SLC8A1: variants seen among roughly 807,000 people sequenced by gnomAD.
SLC8A1 encodes the protein sodium/calcium exchanger 1.
In SLC8A1, 18 loss-of-function variants were observed where a neutral mutation model predicts 68.3. The ratio of observed to expected loss-of-function variants is 0.26; its 90% CI spans 0.18 to 0.39. SLC8A1 has a LOEUF of 0.39. SLC8A1 is among the 10% of genes least tolerant of loss of function. SLC8A1 has a pLI of 1.00. For synonymous variants in SLC8A1, 475 were observed against 415.5 expected, an observed-to-expected ratio of 1.14 and a Z score of -1.74; for missense variants, 985 against 1,156.7, an observed-to-expected ratio of 0.85 and a Z score of 2.15.
intron 2 of SLC8A1, among the ~76,000 whole-genome samples, chr2:40,179,775 C>G (rs1041796022): frequency 1.3e-5 from 2 of 152,130 alleles, no homozygotes; most frequent in Non-Finnish European, 2.9e-5. Flanking sequence ...TCTATGCATA[C>G]TAAAGAATAT....
intron 2 of SLC8A1, among the ~76,000 whole-genome samples, chr2:40,287,136 A>T (rs2068452496): frequency 6.6e-6 from 1 of 152,242 alleles, no homozygotes; most frequent in African/African-American, 2.4e-5. Flanking sequence ...ACACTAAAAA[A>T]ATATGTAAGA....
At chr2:40,486,758 A>C (rs991450910) in intron 1 of SLC8A1, among the ~76,000 whole-genome samples, 4 of 151,370 alleles carry the variant, frequency 2.6e-5, no homozygotes, top group Non-Finnish European at 5.9e-5. Flanking sequence ...GTTCTAGGGT[A>C]CATGTGCACA....
chr2:40,288,441 A>G (rs1343702843), intron 2 of SLC8A1, among the ~76,000 whole-genome samples: 1 of 152,046 alleles, frequency 6.6e-6, no homozygotes, highest in African/African-American at 2.4e-5. Flanking sequence ...CATCAGTGTG[A>G]GATATTCTTG....
chr2:40,210,528 C>T (rs1445043362), intron 2 of SLC8A1, among the ~76,000 whole-genome samples: 1 of 152,098 alleles, frequency 6.6e-6, no homozygotes, highest in Non-Finnish European at 1.5e-5. Flanking sequence ...AAGTGTTAGT[C>T]ACTACTGAAT....
chr2:40,248,133 C>A (rs541449556), intron 2 of SLC8A1, among the ~76,000 whole-genome samples: 2 of 152,238 alleles, frequency 1.3e-5, no homozygotes, highest in African/African-American at 4.8e-5. Flanking sequence ...AATTTCTACA[C>A]TTTTGATGAC....
chr2:40,287,594 G>GTGTGTGTGTA (rs1208936793), intron 2 of SLC8A1, among the ~76,000 whole-genome samples: 14 of 140,680 alleles, frequency 1.0e-4, no homozygotes, highest in African/African-American at 4.4e-4. Flanking sequence ...GTGTGTGTGT[G>GTGTGTGTGTA]TGTGTGTGTG....
At position 40,478,805 on chromosome 2, in the gene SLC8A1, CT is replaced by C. The variant is rs537213717; in HGVS notation, c.-25+33543del. ...TTTTTTTTTTAGACAGAGTTTCGCT[CT>C]TGTTGCCCAGGCTGGAGTGCAATGG... On this transcript the variant is annotated intron_variant, in intron 1 of 7. Coordinates refer to the SLC8A1 transcript ENST00000402441. 1.5e-4 allele frequency among the ~76,000 whole-genome samples: 23 copies of C among 149,702 alleles called. No individual in the cohort carries two copies. The South Asian group carries it at 4.0e-3, about 26-fold the overall frequency.
chr2:40,109,745 C>G (rs1457730426), exon 8 of SLC8A1: 3 of 152,052 alleles, frequency 2.0e-5, no homozygotes, highest in African/African-American at 7.2e-5. Context: ...ACTGTTTATT[C>G]CCATGGGGAA....
intron 2 of SLC8A1, among the ~76,000 whole-genome samples, chr2:40,413,710 T>G (rs1307718309): frequency 2.0e-5 from 3 of 152,180 alleles, no homozygotes; most frequent in African/African-American, 7.2e-5. Context: ...AATTAACGTC[T>G]TTAAGAGGGA....
At chr2:40,435,697 T>A (rs775899521) in intron 1 of SLC8A1, among the ~76,000 whole-genome samples, 35 of 152,184 alleles carry the variant, frequency 2.3e-4, no homozygotes, top group Non-Finnish European at 4.4e-4. Flanking sequence ...GGATATAAAA[T>A]AACGAAGTTG....
intron 2 of SLC8A1, among the ~76,000 whole-genome samples, chr2:40,373,622 A>G (rs1678870276): frequency 6.6e-6 from 1 of 152,090 alleles, no homozygotes; most frequent in Non-Finnish European, 1.5e-5. Flanking sequence ...GTACTAATTT[A>G]TCTAATTTAC....
intron 6 of SLC8A1, among the ~76,000 whole-genome samples, chr2:40,142,262 C>G (rs941586365): frequency 6.6e-6 from 1 of 152,072 alleles, no homozygotes; most frequent in Admixed American, 6.6e-5. Flanking sequence ...AGATGCAATT[C>G]TCAGGGTTTA....
At chr2:40,248,661 AT>A (rs1216186915) in intron 2 of SLC8A1, among the ~76,000 whole-genome samples, 1 of 151,970 alleles carries the variant, frequency 6.6e-6, no homozygotes, top group Non-Finnish European at 1.5e-5. Context: ...AAAATATGTC[AT>A]TTTTTTCTAG....
chr2:40,311,827 C>T (rs904959800), intron 2 of SLC8A1, among the ~76,000 whole-genome samples: 1 of 151,978 alleles, frequency 6.6e-6, no homozygotes, highest in East Asian at 1.9e-4. Context: ...TCAGTTTCTA[C>T]AACAAATATC....
chr2:40,403,496 G>A (rs887851266), intron 2 of SLC8A1, among the ~76,000 whole-genome samples: 1 of 152,168 alleles, frequency 6.6e-6, no homozygotes, highest in Non-Finnish European at 1.5e-5. Flanking sequence ...TGACCACAAT[G>A]GGAGAGCTTA....
chr2:40,248,789 T>G (rs530284054), intron 2 of SLC8A1, among the ~76,000 whole-genome samples: 65 of 152,332 alleles, frequency 4.3e-4, no homozygotes, highest in African/African-American at 1.5e-3. Context: ...AAGGTGGGAC[T>G]ACTGGCTGTT....
At chr2:40,192,456 A>G (rs945467063) in intron 2 of SLC8A1, among the ~76,000 whole-genome samples, 1 of 152,094 alleles carries the variant, frequency 6.6e-6, no homozygotes, top group African/African-American at 2.4e-5. Context: ...TTTATTAAAT[A>G]TTTATGACAA....
At chr2:40,298,457 A>C (rs1056245881) in intron 2 of SLC8A1, among the ~76,000 whole-genome samples, 2 of 152,218 alleles carry the variant, frequency 1.3e-5, no homozygotes, top group Admixed American at 1.3e-4. Context: ...TTTTCCTATA[A>C]AAAAGGTAAT....
intron 2 of SLC8A1, chr2:40,213,051 A>G (rs2056886864): frequency 6.6e-6 from 1 of 152,206 alleles, no homozygotes; most frequent in Non-Finnish European, 1.5e-5. Context: ...TTAAGGTACT[A>G]TGCCATAGCT....
Sources: gnomAD v4.1 joint callset for allele counts (sites outside exome capture counted in the v4.1 genomes callset) on GRCh38, gnomAD v4.1.1 for gene constraint, MANE v1.5 for transcripts, NCBI Gene and HGNC (gene_info 2026-07-23, HGNC 2026-07-21) for gene names.